Variants in INPP4A observed in about 807,000 individuals in gnomAD.
The protein encoded by INPP4A is inositol polyphosphate-4-phosphatase, type I, 107kD.
Under a neutral mutation model 119.8 loss-of-function variants are expected in INPP4A, and 33 were observed. The ratio of observed to expected loss-of-function variants is 0.28; its 90% confidence interval spans 0.21 to 0.37. INPP4A has a LOEUF of 0.37. Among genes scored for constraint, INPP4A ranks in the 10% least tolerant of loss-of-function variants. The probability of loss-of-function intolerance (pLI) is 1.00; values close to 1 mark genes in which losing one functional copy is unlikely to be tolerated. For synonymous variants in INPP4A, 496 were observed against 500.7 expected (o/e 0.99, Z 0.12); for missense variants, 956 against 1,289.9 (o/e 0.74, Z 3.97).
intron 1 of INPP4A, among the ~76,000 whole-genome samples, chr2:98,451,217 C>G (rs1054276028): frequency 6.6e-6 from 1 of 152,212 alleles, no homozygotes; most frequent in Non-Finnish European, 1.5e-5. Flanking sequence ...GCCAGCCCAG[C>G]TGGCCTCTGG....
intron 1 of INPP4A, among the ~76,000 whole-genome samples, chr2:98,516,408 C>G (rs1686132742): frequency 6.6e-6 from 1 of 152,076 alleles, no homozygotes. Flanking sequence ...CTCATGATGC[C>G]TAGGATATAA....
Position 98,488,226 on chromosome 2 carries a change from C to T in INPP4A, c.-165-30738C>T, listed in dbSNP as rs147690918. Reference sequence around the variant, plus strand: ...GGCTCATCTTGTGTATCTCCTATCCCAGCCCTAGAATCACCCATTTCTCCA... The same window carrying T: ...GGCTCATCTTGTGTATCTCCTATCCTAGCCCTAGAATCACCCATTTCTCCA... On this transcript the variant is annotated intron_variant, in intron 1 of 24. Coordinates refer to ENST00000409851, the MANE Select transcript of INPP4A (RefSeq NM_001134225.2). Among the ~76,000 whole-genome samples the T allele has an allele frequency of 6.6e-3, 1,003 of 152,222 alleles. 17 individuals are homozygous for T. The highest frequency in any genetic ancestry group is 0.023 in the African/African-American group (939 of 41,524).
chr2:98,517,854 T>G (rs1002596081), intron 1 of INPP4A, among the ~76,000 whole-genome samples: 5 of 152,242 alleles, frequency 3.3e-5, no homozygotes, highest in African/African-American at 1.2e-4. Flanking sequence ...TTCTGAATGT[T>G]TGAACTACTC....
In INPP4A at chr2:98,487,582, G is replaced by T. The variant is rs148678828; in HGVS notation, c.-165-31382G>T. 2.9e-3 allele frequency among the ~76,000 whole-genome samples: 442 copies of T among 151,968 alleles called. 1 individual carries two copies. The highest frequency in any genetic ancestry group is 6.0e-3 in the African/African-American group (250 of 41,474). ...TCAATATGGACTCAATGGTTTTTTT[G>T]TTGTTGTTGTTATTTGGGTTATAAT... On this transcript the variant is annotated intron_variant, in intron 1 of 24. Transcript: ENST00000409851.
In INPP4A at chr2:98,533,431, C is replaced by T. The variant is rs368448330; in HGVS notation, c.206C>T (p.Ala69Val). 1.5e-5 allele frequency: 25 copies of T among 1,613,522 alleles called. No individual in the cohort carries two copies. The highest frequency in any genetic ancestry group is 3.3e-5 in the South Asian group (3 of 91,076). Residue 69 changes from alanine (A) to valine (V), a missense_variant, in exon 5 of 25, where the codon GCG becomes GTG. Physicochemically the swap from Ala to Val is moderately conservative, Grantham distance 64 (BLOSUM62 0). This residue lies in a region of INPP4A where 652 missense variants were observed against 797.9 expected (regional missense o/e 0.82). Coordinates refer to ENST00000409851, the MANE Select transcript of INPP4A (RefSeq NM_001134225.2). ...GATCGAAAGCCAAATAGTTTTGTTGCGGTGAGTGTCACCACCCCTCCTCAG... is the reference window on the plus strand; with the variant it reads ...GATCGAAAGCCAAATAGTTTTGTTGTGGTGAGTGTCACCACCCCTCCTCAG... ...SLDRKPNSFV[A>V]VSVTTPPQAF...
At chr2:98,493,593 C>A (rs912107462) in intron 1 of INPP4A, among the ~76,000 whole-genome samples, 1 of 151,952 alleles carries the variant, frequency 6.6e-6, no homozygotes, top group African/African-American at 2.4e-5. Context: ...GACAGGGTTT[C>A]GCTATGTTGC....
At chr2:98,474,211 T>C (rs3754888) in intron 1 of INPP4A, among the ~76,000 whole-genome samples, 41,785 of 152,108 alleles carry the variant, frequency 0.27, 5,787 homozygotes, top group Middle Eastern at 0.35. Flanking sequence ...CTAATATCAC[T>C]TTGACAGCCT....
At chr2:98,580,717 C>T (rs1279280377) in intron 24 of INPP4A, among the ~76,000 whole-genome samples, 1 of 152,236 alleles carries the variant, frequency 6.6e-6, no homozygotes, top group African/African-American at 2.4e-5. Flanking sequence ...GGGCCTCCTG[C>T]CTCCCCATCT....
At chr2:98,455,456 T>C (rs1695971531) in intron 1 of INPP4A, among the ~76,000 whole-genome samples, 1 of 152,214 alleles carries the variant, frequency 6.6e-6, no homozygotes. Context: ...GCTGGTAGAC[T>C]GTGCCCACCT....
intron 1 of INPP4A, among the ~76,000 whole-genome samples, chr2:98,485,169 A>G (rs1574667768): frequency 1.3e-5 from 2 of 152,348 alleles, no homozygotes; most frequent in South Asian, 4.1e-4. Context: ...CTGATCATGC[A>G]GGGTCCTTGC....
chr2:98,541,597 C>T (rs1396029109), intron 10 of INPP4A, among the ~76,000 whole-genome samples: 1 of 152,022 alleles, frequency 6.6e-6, no homozygotes, highest in Non-Finnish European at 1.5e-5. Context: ...TTTTTGTTAG[C>T]TTGAGACAGG....
Position 98,507,882 on chromosome 2 carries a change from G to A in INPP4A, c.-165-11082G>A, listed in dbSNP as rs3769720. Among the ~76,000 whole-genome samples the A allele has an allele frequency of 7.9e-4, 120 of 152,252 alleles. 2 individuals carry two copies. The East Asian group carries it at 0.01, about 13-fold the overall frequency. ...GCCTAAGCTCACCCCCCTGCACAGC[G>A]TCCTGGCTGCTCTATATAGTGTCTT... On this transcript the variant is annotated intron_variant, in intron 1 of 24. Coordinates refer to ENST00000409851, the MANE Select transcript of INPP4A (RefSeq NM_001134225.2).
At chr2:98,556,007 G>T in intron 16 of INPP4A, 199 bp downstream of exon 16, 1 of 565,200 alleles carries the variant, frequency 1.8e-6, no homozygotes. Context: ...TGTAACTGGA[G>T]CCCATGTGTG....
chr2:98,535,020 G>A (rs1276506236), intron 5 of INPP4A, among the ~76,000 whole-genome samples: 1 of 152,162 alleles, frequency 6.6e-6, no homozygotes, highest in African/African-American at 2.4e-5. Context: ...CCACCCAGGT[G>A]GAGCTGTCCA....
At chr2:98,465,024 A>T (rs1674452393) in intron 1 of INPP4A, among the ~76,000 whole-genome samples, 1 of 152,162 alleles carries the variant, frequency 6.6e-6, no homozygotes, top group African/African-American at 2.4e-5. Context: ...ACTAATGGGG[A>T]TTCTCGAGTT....
chr2:98,487,382 A>C (rs2105160760), intron 1 of INPP4A, among the ~76,000 whole-genome samples: 1 of 152,224 alleles, frequency 6.6e-6, no homozygotes, highest in African/African-American at 2.4e-5. Context: ...AGACAGAATC[A>C]ATTTTTATTT....
intron 18 of INPP4A, 93 bp downstream of exon 18, chr2:98,563,730 A>G: frequency 7.8e-7 from 1 of 1,286,324 alleles, no homozygotes; most frequent in East Asian, 2.4e-5. Context: ...CTTCACTTGT[A>G]AAAGACCCCA....
At chr2:98,563,980 A>G (rs1173125646) in intron 18 of INPP4A, among the ~76,000 whole-genome samples, 1 of 151,212 alleles carries the variant, frequency 6.6e-6, no homozygotes, top group East Asian at 1.9e-4. Flanking sequence ...AGTGAGGGCA[A>G]CACAGGTATT....
rs866440781 is a variant in INPP4A, at chr2:98,539,587, C to T, written c.730C>T (p.Arg244Trp). The T allele has an allele frequency of 2.5e-6, 4 of 1,611,970 alleles. No individual in the cohort carries two copies. In the Admixed American group the frequency reaches 5.0e-5, roughly 20 times the overall value. ...TCCAACCACTGATGGTAACCATTTGCGGATCCTGGAGCAGATGGCAGAGAG... is the reference window on the plus strand; with the variant it reads ...TCCAACCACTGATGGTAACCATTTGTGGATCCTGGAGCAGATGGCAGAGAG... Reference protein sequence around the residue: ...RFPTTDGNHLRILEQMAESVL... With the variant: ...RFPTTDGNHLWILEQMAESVL... Residue 244 changes from arginine (R) to tryptophan (W), a missense_variant, in exon 10 of 25, where the codon CGG becomes TGG. Arg to Trp is a moderately radical substitution (Grantham distance 101, BLOSUM62 -3). This residue lies in a region of INPP4A where 652 missense variants were observed against 797.9 expected (regional missense o/e 0.82). Coordinates refer to ENST00000409851, the MANE Select transcript of INPP4A (RefSeq NM_001134225.2).
Sources: allele counts gnomAD v4.1 joint callset (sites outside exome capture counted in the v4.1 genomes callset), GRCh38; gene constraint gnomAD v4.1.1; regional missense constraint gnomAD v4.1.1; transcripts MANE v1.5; gene names NCBI Gene and HGNC (gene_info 2026-07-23, HGNC 2026-07-21).